The following DDX60L variants were observed in gnomAD, a reference collection of about 807,000 sequenced individuals.
The protein encoded by DDX60L is probable ATP-dependent RNA helicase DDX60-like.
A neutral mutation model predicts 211.6 loss-of-function variants in DDX60L; 191 were observed. The ratio of observed to expected loss-of-function variants is 0.90; its 90% CI spans 0.80 to 1.02. DDX60L has a LOEUF of 1.02. Ranked by LOEUF, DDX60L falls within the 50% of genes least tolerant of loss-of-function variation. The pLI, the probability that DDX60L is intolerant of heterozygous loss-of-function variation, is 0.00. For synonymous variants in DDX60L, 706 were observed against 694.1 expected, an observed-to-expected ratio of 1.02 and a Z score of -0.27; for missense variants, 2,007 against 1,984.1, an observed-to-expected ratio of 1.01 and a Z score of -0.22.
At chr4:168,389,788 A>T (rs1033003351) in intron 29 of DDX60L, among the ~76,000 whole-genome samples, 1 of 152,226 alleles carries the variant, frequency 6.6e-6, no homozygotes. Flanking sequence ...CATGAAGTCA[A>T]AATAATGACA....
chr4:168,384,743 G>A lies in DDX60L; in HGVS notation c.3985C>T (p.Pro1329Ser), dbSNP rs1307573502. Residue 1329 changes from proline to serine, a missense_variant, in exon 30 of 38, where the codon CCC becomes TCC. Coordinates refer to ENST00000682922, the MANE Select transcript of DDX60L (RefSeq NM_001012967.3). ...GNVYFFDIPLPKIKRLLASSV... is the reference protein window; with the variant it reads ...GNVYFFDIPLSKIKRLLASSV... ...GATGCAAGGAGTCTTTTTATTTTGG[G>A]CAATGGGATATCAAAGAAATACACA... The A allele has an allele frequency of 6.2e-7, 1 of 1,613,664 alleles. No homozygotes were observed. Among genetic ancestry groups the A allele is most frequent in the African/African-American group, 1.3e-5 (1 of 75,010 alleles).
At chr4:168,385,407 C>T (rs776667530) in intron 29 of DDX60L, among the ~76,000 whole-genome samples, 3 of 152,192 alleles carry the variant, frequency 2.0e-5, no homozygotes, top group Non-Finnish European at 2.9e-5. Flanking sequence ...CCTCACAGCT[C>T]TTCTGTATCC....
chr4:168,408,533 T>C (rs1434160777), intron 22 of DDX60L, among the ~76,000 whole-genome samples: 1 of 152,122 alleles, frequency 6.6e-6, no homozygotes. Context: ...AGACAATATA[T>C]AAAAGATCAT....
chr4:168,375,553 C>T (rs1228644562), intron 33 of DDX60L, 29 bp from the exon 34 acceptor site: 1 of 1,554,714 alleles, frequency 6.4e-7, no homozygotes, highest in African/African-American at 1.4e-5. Flanking sequence ...TCAGAAAGAT[C>T]TCTTTACTTT....
Position 168,457,926 on chromosome 4 carries a change from A to T in DDX60L, c.689T>A (p.Phe230Tyr), listed in dbSNP as rs1173152144. ...CATATCATTCCATTTCAAATGTTCAAAATGAGTTGCTAATACTAAAACCCT... is the reference window on the plus strand; with the variant it reads ...CATATCATTCCATTTCAAATGTTCATAATGAGTTGCTAATACTAAAACCCT... ...EIRVLVLATHFEHLKWNDMME... is the reference protein window; with the variant it reads ...EIRVLVLATHYEHLKWNDMME... The change falls in exon 6 of 38, where the codon TTT (phenylalanine) becomes TAT (tyrosine). Residue 230 changes from phenylalanine to tyrosine, a missense_variant. Coordinates refer to ENST00000682922, the MANE Select transcript of DDX60L (RefSeq NM_001012967.3). The T allele has an allele frequency of 6.4e-7, 1 of 1,564,358 alleles. No homozygotes were observed. Among genetic ancestry groups the T allele is most frequent in the Middle Eastern group, 1.8e-4 (1 of 5,684 alleles).
rs200674852 is a variant in DDX60L, at chr4:168,416,730, G to A, written c.2678C>T (p.Pro893Leu). The A allele has an allele frequency of 1.6e-5, 25 of 1,608,194 alleles. No individual in the cohort carries two copies. In the African/African-American group the frequency reaches 3.3e-4, roughly 22 times the overall value. ...WELLLVIIRCPFLVLSATINN... is the reference protein window; with the variant it reads ...WELLLVIIRCLFLVLSATINN... ...TATGGTAGCTGAAAGAACCAAAAAGGGACATCGAATAATGACAAGGAGGAG... is the reference window on the plus strand; with the variant it reads ...TATGGTAGCTGAAAGAACCAAAAAGAGACATCGAATAATGACAAGGAGGAG... Residue 893 changes from proline to leucine, a missense_variant, in exon 20 of 38, where the codon CCC (proline) becomes CTC (leucine). Physicochemically the swap from Pro to Leu is moderately conservative, Grantham distance 98. Transcript: ENST00000682922.
At chr4:168,479,915 TGGA>T (rs1190882636) in intron 1 of DDX60L, among the ~76,000 whole-genome samples, 5 of 134,768 alleles carry the variant, frequency 3.7e-5, no homozygotes. Flanking sequence ...ACCCGGAAGG[TGGA>T]GGTTGCAGTG....
intron 13 of DDX60L, among the ~76,000 whole-genome samples, chr4:168,428,448 C>T (rs1214630016): frequency 6.6e-6 from 1 of 152,120 alleles, no homozygotes; most frequent in Non-Finnish European, 1.5e-5. Context: ...GACTCTAGAT[C>T]TCTGATTAAC....
At chr4:168,477,028 T>C (rs1759601683) in intron 1 of DDX60L, among the ~76,000 whole-genome samples, 1 of 152,228 alleles carries the variant, frequency 6.6e-6, no homozygotes, top group South Asian at 2.1e-4. Flanking sequence ...AAGGACAATA[T>C]ATATAAATTT....
intron 33 of DDX60L, 72 bp downstream of exon 33, chr4:168,378,282 A>G: frequency 1.1e-6 from 1 of 898,630 alleles, no homozygotes; most frequent in Non-Finnish European, 1.7e-6. Context: ...CCCTATAGGT[A>G]CTGAATGCTT....
At chr4:168,470,737 G>A (rs1290850789) in intron 4 of DDX60L, 24 of 168,560 alleles carry the variant, frequency 1.4e-4, no homozygotes. Flanking sequence ...CTACTTGGGA[G>A]GCTGAGAGAG....
At position 168,406,064 on chromosome 4, in the gene DDX60L, C is replaced by T; in HGVS notation, c.3099G>A (p.Glu1033=). 1 of 1,595,074 alleles carries T rather than the reference C, an allele frequency of 6.3e-7. No homozygotes were observed. Among genetic ancestry groups the T allele is most frequent in the South Asian group, 1.2e-5 (1 of 86,418 alleles). ...TWPRAQELCP[E]EFILFKNKIV... ...TCTTATTCTTAAAAAGAATGAATTCCTCTGGACACAATTCCTTGGGGGGAA... is the reference window on the plus strand; with the variant it reads ...TCTTATTCTTAAAAAGAATGAATTCTTCTGGACACAATTCCTTGGGGGGAA... Residue 1033 remains glutamate, a synonymous_variant, in exon 24 of 38, where the codon GAG becomes GAA. Coordinates refer to ENST00000682922, the MANE Select transcript of DDX60L (RefSeq NM_001012967.3).
chr4:168,443,042 G>C (rs1754192295), intron 9 of DDX60L, among the ~76,000 whole-genome samples: 1 of 152,324 alleles, frequency 6.6e-6, no homozygotes, highest in Admixed American at 6.5e-5. Context: ...ACTTTGATGA[G>C]CTGAGAGAAG....
At chr4:168,434,142 T>C (rs1322305619) in intron 10 of DDX60L, among the ~76,000 whole-genome samples, 1 of 152,130 alleles carries the variant, frequency 6.6e-6, no homozygotes, top group Non-Finnish European at 1.5e-5. Context: ...TGTGTGTGCA[T>C]AGATGCGTGA....
chr4:168,469,566 T>G (rs10004447), intron 4 of DDX60L: 1 of 151,926 alleles, frequency 6.6e-6, no homozygotes. Context: ...TATCTGGTCA[T>G]CCAAAGATAG....
At chr4:168,476,662 G>GA (rs953037249) in intron 1 of DDX60L, among the ~76,000 whole-genome samples, 21 of 149,894 alleles carry the variant, frequency 1.4e-4, no homozygotes, top group Middle Eastern at 3.4e-3. Context: ...AAAAAAAATT[G>GA]AAAAAAAAAT....
Position 168,441,242 on chromosome 4 carries a change from A to G in DDX60L, c.1294+95T>C, listed in dbSNP as rs933114316. ...AAACAAGAAAGCACAGTGAAGGAAAATTATTTACACTTGGAAGAATTGAAT... is the reference window on the plus strand; with the variant it reads ...AAACAAGAAAGCACAGTGAAGGAAAGTTATTTACACTTGGAAGAATTGAAT... On this transcript the variant is annotated intron_variant, in intron 10 of 37. Transcript: ENST00000682922. 20 of 1,252,434 alleles carry G rather than the reference A, an allele frequency of 1.6e-5. No homozygotes were observed. The East Asian group carries it at 4.8e-4, about 30-fold the overall frequency. The allele number at this position is 1,252,434 out of a possible 1,614,324, so 77.6% of individuals were successfully genotyped here.
chr4:168,424,655 CAGG>C (rs1751182800), intron 14 of DDX60L, among the ~76,000 whole-genome samples: 1 of 151,996 alleles, frequency 6.6e-6, no homozygotes, highest in Non-Finnish European at 1.5e-5. Context: ...GTTATGTGAG[CAGG>C]AGAAGTTGGG....
At chr4:168,446,537 G>A (rs1023981806) in intron 9 of DDX60L, among the ~76,000 whole-genome samples, 2 of 152,122 alleles carry the variant, frequency 1.3e-5, no homozygotes, top group African/African-American at 4.8e-5. Context: ...CTACTTTAAA[G>A]TTCATACGGA....
Sources: gnomAD v4.1 joint callset for allele counts (sites outside exome capture counted in the v4.1 genomes callset) on GRCh38, gnomAD v4.1.1 for gene constraint, MANE v1.5 for transcripts, NCBI Gene and HGNC (gene_info 2026-07-23, HGNC 2026-07-21) for gene names.